Variants in CDH18 observed in about 807,000 individuals in gnomAD.
The protein encoded by CDH18 is cadherin 18.
In CDH18, 31 loss-of-function variants were observed where a neutral mutation model predicts 67.9. That is an observed-to-expected ratio of 0.46 (90% confidence interval 0.34 to 0.62). The LOEUF is 0.62. CDH18 is among the 20% of genes least tolerant of loss of function. CDH18 has a pLI of 0.01. For synonymous variants in CDH18, 362 were observed against 347.2 expected, an observed-to-expected ratio of 1.04 and a Z score of -0.48; for missense variants, 890 against 975.5, an observed-to-expected ratio of 0.91 and a Z score of 1.17.
rs1269608969 is a variant in CDH18, at chr5:19,567,043, AG to A, written c.1253+4535del. ...GCTAAAATTAGAACAATTGAACCCAAGGAGATAGGGGGTAGAATAATGGTTG... is the reference window on the plus strand; with the variant it reads ...GCTAAAATTAGAACAATTGAACCCAAGAGATAGGGGGTAGAATAATGGTTG... On this transcript the variant is annotated intron_variant, in intron 8 of 12. Coordinates refer to ENST00000382275, the MANE Select transcript of CDH18 (RefSeq NM_004934.5). 2.0e-5 allele frequency among the ~76,000 whole-genome samples: 3 copies of A among 152,144 alleles called. No individual in the cohort carries two copies. The South Asian group carries it at 6.2e-4, about 32-fold the overall frequency.
intron 1 of CDH18, among the ~76,000 whole-genome samples, chr5:20,349,690 AATGTT>A (rs1741005075): frequency 6.6e-6 from 1 of 152,144 alleles, no homozygotes; most frequent in African/African-American, 2.4e-5. Context: ...CAGTTTAATG[AATGTT>A]ATTTTTCATA....
At position 20,452,245 on chromosome 5, in the gene CDH18, C is replaced by A. The variant is rs1054712565; in HGVS notation, c.-580+123217G>T. Among the ~76,000 whole-genome samples the A allele has an allele frequency of 2.0e-5, 3 of 152,236 alleles. No homozygotes were observed. In the East Asian group the frequency reaches 5.8e-4, roughly 29 times the overall value. On this transcript the variant is annotated intron_variant, in intron 1 of 14. Transcript: ENST00000507958. The stretch of plus-strand genomic sequence containing the variant: ...TCATGGGATTGATTTCATTAACATT[C>A]TTCAGCACATTAAACAAATTGTACT...
At chr5:20,042,734 A>C (rs2043584) in intron 2 of CDH18, among the ~76,000 whole-genome samples, 149,780 of 152,188 alleles carry the variant, frequency 0.98, 73,760 homozygotes, top group Middle Eastern at 1. Flanking sequence ...GAGGCCGAGG[A>C]CAGCAGATCA....
At chr5:19,909,557 C>T (rs543678841) in intron 2 of CDH18, among the ~76,000 whole-genome samples, 1 of 152,034 alleles carries the variant, frequency 6.6e-6, no homozygotes, top group Non-Finnish European at 1.5e-5. Context: ...TCTCACCCTC[C>T]CAAAGTGGCA....
At chr5:19,738,128 C>A (rs978850304) in intron 4 of CDH18, among the ~76,000 whole-genome samples, 1 of 151,908 alleles carries the variant, frequency 6.6e-6, no homozygotes, top group Non-Finnish European at 1.5e-5. Context: ...TATTTATTAC[C>A]TATTTAGTTT....
intron 1 of CDH18, among the ~76,000 whole-genome samples, chr5:20,524,382 A>G (rs1158522585): frequency 6.6e-6 from 1 of 152,224 alleles, no homozygotes; most frequent in Non-Finnish European, 1.5e-5. Flanking sequence ...TCTATTAAAG[A>G]CAATGTTTGT....
chr5:19,860,519 TA>T (rs1377291227), intron 2 of CDH18, among the ~76,000 whole-genome samples: 5 of 151,718 alleles, frequency 3.3e-5, no homozygotes, highest in Non-Finnish European at 5.9e-5. Context: ...ATTTACTTTT[TA>T]AAAAAATACC....
At chr5:20,462,415 T>A (rs773760721) in intron 1 of CDH18, among the ~76,000 whole-genome samples, 44 of 152,142 alleles carry the variant, frequency 2.9e-4, no homozygotes, top group Non-Finnish European at 8.8e-5. Flanking sequence ...AAGATACAAG[T>A]TCTAATGTTT....
At chr5:19,670,183 T>G (rs1301139665) in intron 5 of CDH18, among the ~76,000 whole-genome samples, 1 of 152,162 alleles carries the variant, frequency 6.6e-6, no homozygotes, top group Non-Finnish European at 1.5e-5. Flanking sequence ...CTTATATTGG[T>G]AACTCTATGA....
intron 1 of CDH18, among the ~76,000 whole-genome samples, chr5:19,987,313 T>A (rs1167703503): frequency 6.6e-6 from 1 of 151,442 alleles, no homozygotes; most frequent in Non-Finnish European, 1.5e-5. Flanking sequence ...TTTACCTTGT[T>A]TTGCAGACAT....
chr5:19,628,485 T>C (rs1234224204), intron 5 of CDH18, among the ~76,000 whole-genome samples: 1 of 152,102 alleles, frequency 6.6e-6, no homozygotes, highest in Non-Finnish European at 1.5e-5. Flanking sequence ...TTAGTTAAAA[T>C]AGAAGTGAGG....
At chr5:20,407,718 A>T (rs1038046679) in intron 1 of CDH18, among the ~76,000 whole-genome samples, 3 of 105,078 alleles carry the variant, frequency 2.9e-5, no homozygotes, top group Admixed American at 9.4e-5. Context: ...AAGAAAAAAA[A>T]ATAATTTTTT....
At chr5:19,731,998 G>T (rs996327785) in intron 4 of CDH18, among the ~76,000 whole-genome samples, 2 of 151,800 alleles carry the variant, frequency 1.3e-5, no homozygotes, top group Non-Finnish European at 2.9e-5. Context: ...GCTGAGGTAG[G>T]ATAATCAATT....
intron 5 of CDH18, among the ~76,000 whole-genome samples, chr5:19,688,609 T>C (rs1045440942): frequency 9.9e-5 from 15 of 151,968 alleles, no homozygotes; most frequent in African/African-American, 3.6e-4. Flanking sequence ...CAAATAACAA[T>C]ATAAGAACTC....
At chr5:20,294,213 A>G (rs1747318246) in intron 1 of CDH18, among the ~76,000 whole-genome samples, 1 of 152,180 alleles carries the variant, frequency 6.6e-6, no homozygotes, top group Non-Finnish European at 1.5e-5. Context: ...TTAATTACCC[A>G]AAGTAGTTAC....
chr5:20,564,348 G>C (rs1758386252), intron 1 of CDH18, among the ~76,000 whole-genome samples: 1 of 151,548 alleles, frequency 6.6e-6, no homozygotes. Context: ...TGCAATCTCT[G>C]CTCACTGAGA....
In CDH18 at chr5:19,727,167, T is replaced by G. The variant is rs547752389; in HGVS notation, c.524-5701A>C. On this transcript the variant is annotated intron_variant, in intron 4 of 12. Coordinates refer to ENST00000382275, the MANE Select transcript of CDH18 (RefSeq NM_004934.5). The stretch of plus-strand genomic sequence containing the variant: ...AAATGAATAAGTAAACTAATCAAGG[T>G]ATATGTTATGGGTTAAATCATATCC... Among the ~76,000 whole-genome samples, 7 of 152,328 alleles carry G rather than the reference T, an allele frequency of 4.6e-5. No individual in the cohort carries two copies. The South Asian group carries it at 1.5e-3, about 32-fold the overall frequency.
chr5:19,748,112 CAAAAAAAAA>C, intron 3 of CDH18, among the ~76,000 whole-genome samples: 1 of 14,860 alleles, frequency 6.7e-5, no homozygotes, highest in East Asian at 4.4e-3. Flanking sequence ...GACTCCATCT[CAAAAAAAAA>C]AAAAAAAAAA....
intron 2 of CDH18, among the ~76,000 whole-genome samples, chr5:20,228,074 T>C (rs1272169850): frequency 1.3e-5 from 2 of 152,160 alleles, no homozygotes; most frequent in African/African-American, 4.8e-5. Context: ...ATGACAGTAT[T>C]AACCCAATCC....
Sources: gnomAD v4.1 joint callset for allele counts (sites outside exome capture counted in the v4.1 genomes callset) on GRCh38, gnomAD v4.1.1 for gene constraint, MANE v1.5 for transcripts, NCBI Gene and HGNC (gene_info 2026-07-23, HGNC 2026-07-21) for gene names.